The following POU2F2 variants were observed in gnomAD, a reference collection of about 807,000 sequenced individuals.
POU2F2 encodes the protein POU domain, class 2, transcription factor 2.
A neutral mutation model predicts 63.5 loss-of-function variants in POU2F2; 14 were observed. The observed-to-expected ratio is 0.22, with a 90% CI of 0.15 to 0.34. The LOEUF is 0.34. POU2F2 is among the 10% of genes least tolerant of loss of function. The probability of loss-of-function intolerance (pLI) is 1.00; values close to 1 mark genes in which losing one functional copy is unlikely to be tolerated. For synonymous variants in POU2F2, 306 were observed against 348.6 expected, an observed-to-expected ratio of 0.88 and a Z score of 1.36; for missense variants, 607 against 815.2, an observed-to-expected ratio of 0.74 and a Z score of 3.11.
intron 5 of POU2F2, among the ~76,000 whole-genome samples, chr19:42,101,626 A>G (rs2077144953): frequency 6.6e-6 from 1 of 152,154 alleles, no homozygotes; most frequent in Non-Finnish European, 1.5e-5. Flanking sequence ...ATTTACCTCA[A>G]GTCACCCAGT....
rs991192877 is a variant in POU2F2, at chr19:42,092,979, G to A, written c.1265-709C>T. On this transcript the variant is annotated intron_variant, in intron 12 of 14. Coordinates refer to ENST00000692977, the MANE Select transcript of POU2F2 (RefSeq NM_001394376.1). This position sits in a 1 kb window ranked among gnomAD's most constrained non-coding sequence, Gnocchi z 5.0. The stretch of plus-strand genomic sequence containing the variant: ...TATATATTATGCATATATATATTAT[G>A]TGTGTGTGTATATATATATATATAT... Among the ~76,000 whole-genome samples, 47 of 100,962 alleles carry A rather than the reference G, an allele frequency of 4.7e-4. No individual in the cohort carries two copies. The highest frequency in any genetic ancestry group is 1.3e-3 in the Admixed American group (12 of 9,408). 66.2% of individuals were successfully genotyped at this position (100,962 alleles called of 152,430 possible).
upstream of POU2F2, among the ~76,000 whole-genome samples, chr19:42,135,266 G>A (rs1315027436): frequency 6.6e-6 from 1 of 152,072 alleles, no homozygotes; most frequent in East Asian, 1.9e-4. Context: ...CATACTCTGA[G>A]TCCATGGCTG....
In POU2F2 at chr19:42,117,772, G is replaced by A. The variant is rs2032116463; in HGVS notation, c.187-340C>T. ...AGGCAGGCGGATCACTTGGGGTCAG[G>A]AGTTTGAAACCAGCCTGGCCAACAT... On this transcript the variant is annotated intron_variant, in intron 4 of 14. Transcript: ENST00000692977. The surrounding 1 kb of genome is among the most constrained non-coding windows in gnomAD (Gnocchi z 4.4). 6.6e-6 allele frequency among the ~76,000 whole-genome samples: 1 copy of A among 151,474 alleles called. No homozygotes were observed. Among genetic ancestry groups the A allele is most frequent in the African/African-American group, 2.4e-5 (1 of 41,162 alleles).
At chr19:42,129,911 G>C (rs919232799) in intron 1 of POU2F2, among the ~76,000 whole-genome samples, 1 of 152,230 alleles carries the variant, frequency 6.6e-6, no homozygotes, top group African/African-American at 2.4e-5. Context: ...CATGGCCACA[G>C]CCAGGCAAGG....
At chr19:42,124,379 T>TA (rs58616252) in intron 1 of POU2F2, among the ~76,000 whole-genome samples, 14,934 of 132,472 alleles carry the variant, frequency 0.11, 977 homozygotes, top group Middle Eastern at 0.22. Flanking sequence ...TCAGTAACTG[T>TA]AAAAAAAAAA....
intron 1 of POU2F2, among the ~76,000 whole-genome samples, chr19:42,126,070 T>C (rs1417442209): frequency 6.6e-6 from 1 of 152,188 alleles, no homozygotes; most frequent in Non-Finnish European, 1.5e-5. Context: ...TAATTGTATT[T>C]GGAGATAGGG....
intron 1 of POU2F2, among the ~76,000 whole-genome samples, chr19:42,194,487 C>A (rs983216990): frequency 6.9e-6 from 1 of 144,870 alleles, no homozygotes; most frequent in South Asian, 2.2e-4. Context: ...GATCGGGTGC[C>A]GTGGCTCATG....
intron 2 of POU2F2, among the ~76,000 whole-genome samples, chr19:42,150,771 A>T (rs114699142): frequency 4.6e-5 from 7 of 151,882 alleles, no homozygotes; most frequent in East Asian, 3.9e-4. Flanking sequence ...AATTTTTTTT[A>T]AAACTCGCTG....
rs927950042 is a variant in POU2F2 at position 42,092,213 on chromosome 19, C to T, written c.1322G>A (p.Gly441Asp). Residue 441 changes from glycine (G) to aspartate (D), a missense_variant, in exon 13 of 15, where the codon GGT (glycine) becomes GAT (aspartate). Gly to Asp is a moderately conservative substitution (Grantham distance 94). Around this residue, in one of 7 missense-constraint regions of POU2F2, gnomAD observed 270 missense variants for 307.5 expected, o/e 0.88. Coordinates refer to ENST00000692977, the MANE Select transcript of POU2F2 (RefSeq NM_001394376.1). The surrounding 1 kb of genome is among the most constrained non-coding windows in gnomAD (Gnocchi z 5.0). ...GGGCGCAGCCCCGCCCCCGCCCCCA[C>T]CCCCTCCAGCTGTCCGGCTGGGGTG... ...TLHPSRTAGGGGGGGGAAPPL... is the reference protein window; with the variant it reads ...TLHPSRTAGGDGGGGGAAPPL... 6.4e-7 allele frequency: 1 copy of T among 1,567,906 alleles called. No individual in the cohort carries two copies. Among genetic ancestry groups the T allele is most frequent in the Non-Finnish European group, 8.6e-7 (1 of 1,157,574 alleles).
intron 1 of POU2F2, among the ~76,000 whole-genome samples, chr19:42,195,372 G>A (rs1202341966): frequency 1.8e-4 from 22 of 121,344 alleles, no homozygotes; most frequent in African/African-American, 5.6e-4. Context: ...TCATTCTGTC[G>A]CCCAGGCTGG....
rs539021705 is a variant in POU2F2 at position 42,169,824 on chromosome 19, G to A, written c.-70+6139C>T. On this transcript the variant is annotated intron_variant, in intron 1 of 6. Transcript: ENST00000524801. The surrounding 1 kb of genome is among the most constrained non-coding windows in gnomAD (Gnocchi z 4.3). ...GTACCTGTGTGTCTTTCTTCCCCTCGCTGCTGCGCCTTCCCAGTCTGGATG... is the reference window on the plus strand; with the variant it reads ...GTACCTGTGTGTCTTTCTTCCCCTCACTGCTGCGCCTTCCCAGTCTGGATG... Among the ~76,000 whole-genome samples, 14 of 151,962 alleles carry A rather than the reference G, an allele frequency of 9.2e-5. No homozygotes were observed. The South Asian group carries it at 2.3e-3, about 25-fold the overall frequency.
chr19:42,129,585 C>T (rs2033520238), intron 1 of POU2F2, among the ~76,000 whole-genome samples: 1 of 152,258 alleles, frequency 6.6e-6, no homozygotes, highest in African/African-American at 2.4e-5. Flanking sequence ...CCTCACCCCT[C>T]CTGGCCCCAC....
At chr19:42,091,718 C>T (rs1299770398) in intron 14 of POU2F2, 127 bp from the exon 15 acceptor site, 2 of 1,551,196 alleles carry the variant, frequency 1.3e-6, no homozygotes, top group Non-Finnish European at 1.7e-6. Flanking sequence ...CAGCACCCCT[C>T]ACACCTTCCC....
At chr19:42,091,989 A>G (rs768177770) in intron 13 of POU2F2, 49 bp from the exon 14 acceptor site, 2 of 1,535,700 alleles carry the variant, frequency 1.3e-6, no homozygotes, top group African/African-American at 1.4e-5. Flanking sequence ...ACCTGCCAAC[A>G]TAACTGGGGT....
At chr19:42,138,996 A>G (rs1295271568) in intron 2 of POU2F2, among the ~76,000 whole-genome samples, 2 of 152,150 alleles carry the variant, frequency 1.3e-5, no homozygotes, top group Non-Finnish European at 2.9e-5. Context: ...GAAAAGAAGC[A>G]CTGTGATGTG....
At chr19:42,124,555 G>A (rs1413406303) in intron 1 of POU2F2, among the ~76,000 whole-genome samples, 1 of 152,164 alleles carries the variant, frequency 6.6e-6, no homozygotes, top group Non-Finnish European at 1.5e-5. Context: ...GATGCAGCAC[G>A]TCCACTCCTG....
chr19:42,169,082 G>A lies in POU2F2; in HGVS notation c.-70+6881C>T, dbSNP rs1345854765. 6.6e-6 allele frequency among the ~76,000 whole-genome samples: 1 copy of A among 152,114 alleles called. No homozygotes were observed. The highest frequency in any genetic ancestry group is 1.5e-5 in the Non-Finnish European group (1 of 68,020). On this transcript the variant is annotated intron_variant, in intron 1 of 6. Coordinates refer to the POU2F2 transcript ENST00000524801. The surrounding 1 kb of genome is among the most constrained non-coding windows in gnomAD (Gnocchi z 4.3). ...TCCTATAGAGGCTCAGTACCTATGT[G>A]ATGAGTTAATTAATTCTATACACAT...
rs890808517 is a variant in POU2F2 at position 42,153,537 on chromosome 19, G to A, written c.-9+6795C>T. 3.9e-5 allele frequency among the ~76,000 whole-genome samples: 6 copies of A among 152,270 alleles called. No homozygotes were observed. Among genetic ancestry groups the A allele is most frequent in the African/African-American group, 7.2e-5 (3 of 41,524 alleles). ...CTGTGCGTGAGCCTCCATGGGTCCC[G>A]TGTGGATCTGTGCCTGTGCCTGTGG... On this transcript the variant is annotated intron_variant, in intron 2 of 6. Coordinates refer to the POU2F2 transcript ENST00000524801. The surrounding 1 kb of genome is among the most constrained non-coding windows in gnomAD (Gnocchi z 5.6).
intron 1 of POU2F2, among the ~76,000 whole-genome samples, chr19:42,172,382 C>T (rs966662272): frequency 1.2e-4 from 19 of 152,166 alleles, no homozygotes; most frequent in African/African-American, 4.6e-4. Context: ...ACCACCATTG[C>T]CCGATTACCT....
Sources: gnomAD v4.1 joint callset for allele counts (sites outside exome capture counted in the v4.1 genomes callset) on GRCh38, gnomAD v4.1.1 for gene constraint, gnomAD v4.1.1 regional missense constraint, Gnocchi (gnomAD v3.1) non-coding constraint, MANE v1.5 for transcripts, NCBI Gene and HGNC (gene_info 2026-07-23, HGNC 2026-07-21) for gene names.